Variants in VPS26A observed in about 807,000 individuals in gnomAD.
VPS26A encodes the protein vacuolar protein sorting-associated protein 26A.
VPS26A carries 22 observed loss-of-function variants against 42.4 expected under a neutral mutation model. The observed-to-expected ratio is 0.52, with a 90% CI of 0.37 to 0.74. VPS26A has a LOEUF of 0.74. Ranked by LOEUF, VPS26A falls within the 30% of genes least tolerant of loss-of-function variation. The pLI is 0.00. For missense variants in VPS26A, 276 were observed against 379.2 expected (o/e 0.73, Z 2.26); for synonymous variants, 110 against 123.5 (o/e 0.89, Z 0.73).
chr10:69,164,259 C>T (rs1318124523), intron 6 of VPS26A, among the ~76,000 whole-genome samples: 2 of 151,494 alleles, frequency 1.3e-5, no homozygotes, highest in African/African-American at 2.4e-5. Flanking sequence ...ACACTGTCAC[C>T]CAGGCTGGAG....
chr10:69,151,282 A>AAAAAAAC (rs71035063), intron 2 of VPS26A, among the ~76,000 whole-genome samples: 1 of 136,776 alleles, frequency 7.3e-6, no homozygotes, highest in Non-Finnish European at 1.5e-5. Context: ...AAAAAAAAAA[A>AAAAAAAC]ACACACACAC....
chr10:69,137,866 T>G (rs57392619), intron 2 of VPS26A, among the ~76,000 whole-genome samples: 9,096 of 149,222 alleles, frequency 0.061, 360 homozygotes, highest in South Asian at 0.14. Flanking sequence ...TATTGAGATA[T>G]ATATATATAT....
In VPS26A at chr10:69,128,794, C is replaced by T. The variant is rs377605840; in HGVS notation, c.4-4104C>T. 3.1e-3 allele frequency among the ~76,000 whole-genome samples: 467 copies of T among 151,170 alleles called. 1 individual carries two copies. The highest frequency in any genetic ancestry group is 0.01 in the Middle Eastern group (3 of 290). Reference sequence around the variant, plus strand: ...TGGATCACTTGAGCCCAGGAGTTTGCGCCTGGCCTGGGCAATGTGGCAGAA... The same window carrying T: ...TGGATCACTTGAGCCCAGGAGTTTGTGCCTGGCCTGGGCAATGTGGCAGAA... On this transcript the variant is annotated intron_variant, in intron 1 of 8. Coordinates refer to ENST00000263559, the MANE Select transcript of VPS26A (RefSeq NM_004896.5).
intron 2 of VPS26A, among the ~76,000 whole-genome samples, chr10:69,149,727 GTTTTTTGTTTTTTTTTTTT>G (rs1456774795): frequency 7.5e-5 from 7 of 93,952 alleles, no homozygotes; most frequent in East Asian, 3.1e-4. Flanking sequence ...CTTTCTTGGT[GTTTTTTGTTTTTTTTTTTT>G]TTTTTTTTTT....
chr10:69,154,915 ATTTT>A (rs542157474), intron 2 of VPS26A, among the ~76,000 whole-genome samples: 4,612 of 151,876 alleles, frequency 0.03, 240 homozygotes, highest in African/African-American at 0.1. Context: ...ACATATATAT[ATTTT>A]TTTTTTAAGA....
chr10:69,172,980 A>G lies in VPS26A; in HGVS notation c.*1711A>G, dbSNP rs774661715. On this transcript the variant is annotated 3_prime_UTR_variant, in exon 9 of 9. Coordinates refer to ENST00000263559, the MANE Select transcript of VPS26A (RefSeq NM_004896.5). ...TAGGAAGCTGTAACTGTGATAATGA[A>G]TTTTTATAAATATTACTGGTTTCAA... 3.3e-5 allele frequency: 5 copies of G among 152,184 alleles called. No individual in the cohort carries two copies. The highest frequency in any genetic ancestry group is 7.3e-5 in the Non-Finnish European group (5 of 68,036). The allele number at this position is 152,184 out of a possible 1,614,324, so 9.4% of individuals were successfully genotyped here.
At chr10:69,133,214 C>G (rs535421955) in intron 2 of VPS26A, among the ~76,000 whole-genome samples, 167 bp downstream of exon 2, 110 of 151,254 alleles carry the variant, frequency 7.3e-4, no homozygotes, top group Non-Finnish European at 1.3e-3. Context: ...ATCTTTCCTG[C>G]AAAGGAAAGA....
chr10:69,125,114 A>G (rs1268133057), intron 1 of VPS26A, among the ~76,000 whole-genome samples: 2 of 152,166 alleles, frequency 1.3e-5, no homozygotes, highest in Admixed American at 6.5e-5. Flanking sequence ...AGTTCTCTTC[A>G]TTTAGCGCCT....
intron 1 of VPS26A, among the ~76,000 whole-genome samples, chr10:69,128,743 C>G (rs1410356556): frequency 6.6e-6 from 1 of 151,674 alleles, no homozygotes; most frequent in Non-Finnish European, 1.5e-5. Context: ...GCCTGTAATC[C>G]CAGCATTTTG....
Position 69,168,613 on chromosome 10 carries a change from GA to G in VPS26A, c.853del (p.Arg285GlyfsTer8). 6.2e-7 allele frequency: 1 copy of G among 1,613,810 alleles called. No homozygotes were observed. The highest frequency in any genetic ancestry group is 1.3e-5 in the African/African-American group (1 of 75,028). Reference protein sequence around the residue: ...NLVLVDEEDRRYFKQQEIILW... With the variant: ...NLVLVDEEDRXYFKQQEIILW... ...TAGTGCTTGTTGATGAGGAAGACCG[GA>G]GGTACTTCAAACAGCAGGTATGGTG... On this transcript the variant is annotated frameshift_variant, in exon 8 of 9. Transcript: ENST00000263559. LOFTEE classifies it high-confidence loss of function.
At chr10:69,141,185 C>A (rs1354977184) in intron 2 of VPS26A, among the ~76,000 whole-genome samples, 3 of 152,172 alleles carry the variant, frequency 2.0e-5, no homozygotes, top group Non-Finnish European at 4.4e-5. Flanking sequence ...GTATCAAAAT[C>A]TTCAAAAGTG....
At chr10:69,133,783 C>T (rs1840846662) in intron 2 of VPS26A, 1 of 351,764 alleles carries the variant, frequency 2.8e-6, no homozygotes, top group Non-Finnish European at 5.5e-6. Context: ...TACTCCTGGA[C>T]TCAGGTGATT....
intron 1 of VPS26A, among the ~76,000 whole-genome samples, chr10:69,128,808 A>G (rs1840713900): frequency 6.6e-6 from 1 of 151,294 alleles, no homozygotes; most frequent in African/African-American, 2.4e-5. Context: ...TGGCCTGGGC[A>G]ATGTGGCAGA....
intron 1 of VPS26A, among the ~76,000 whole-genome samples, chr10:69,124,734 A>T (rs1840612448): frequency 1.3e-5 from 2 of 151,568 alleles, no homozygotes; most frequent in African/African-American, 2.4e-5. Context: ...AACTTGATAA[A>T]CTCTGATATT....
intron 2 of VPS26A, among the ~76,000 whole-genome samples, chr10:69,144,753 G>A (rs1239296330): frequency 2.0e-5 from 3 of 150,742 alleles, no homozygotes; most frequent in South Asian, 2.1e-4. Flanking sequence ...TGATGTGTAG[G>A]ATTTTTTGTA....
intron 5 of VPS26A, chr10:69,161,945 G>A (rs927237871): frequency 1.5e-5 from 3 of 196,458 alleles, no homozygotes; most frequent in South Asian, 1.0e-4. Context: ...CACCCAGGCC[G>A]CCACCTCCAT....
chr10:69,155,726 T>G, intron 2 of VPS26A, 86 bp from the exon 3 acceptor site: 2 of 952,316 alleles, frequency 2.1e-6, no homozygotes, highest in East Asian at 5.2e-5. Context: ...CTGAAATATT[T>G]ATATATTGCA....
chr10:69,157,933 C>CA (rs1249942876), intron 4 of VPS26A, 114 bp from the exon 5 acceptor site: 1 of 906,606 alleles, frequency 1.1e-6, no homozygotes, highest in African/African-American at 1.7e-5. Flanking sequence ...AAGTTGATCC[C>CA]AAAGGAGTTC....
intron 7 of VPS26A, among the ~76,000 whole-genome samples, chr10:69,166,346 A>G (rs1841687297): frequency 1.3e-5 from 2 of 152,206 alleles, no homozygotes; most frequent in Non-Finnish European, 2.9e-5. Context: ...AGTTATATGT[A>G]TCTATTCTCT....
Sources: gnomAD v4.1 joint callset for allele counts (sites outside exome capture counted in the v4.1 genomes callset) on GRCh38, gnomAD v4.1.1 for gene constraint, MANE v1.5 for transcripts, NCBI Gene and HGNC (gene_info 2026-07-23, HGNC 2026-07-21) for gene names.